The following NCK2 variants were observed in gnomAD, a reference collection of about 807,000 sequenced individuals.
NCK2 encodes the protein cytoplasmic protein NCK2.
NCK2 carries 16 observed loss-of-function variants against 33.9 expected under a neutral mutation model. The ratio of observed to expected loss-of-function variants is 0.47; its 90% CI spans 0.32 to 0.72. The LOEUF is 0.72. NCK2 is among the 30% of genes least tolerant of loss of function. The pLI is 0.03. For synonymous variants in NCK2, 273 were observed against 239.9 expected, an observed-to-expected ratio of 1.14 and a Z score of -1.27; for missense variants, 418 against 537.3, an observed-to-expected ratio of 0.78 and a Z score of 2.19.
At chr2:105,871,496 C>A (rs960687725) in intron 3 of NCK2, among the ~76,000 whole-genome samples, 3 of 151,474 alleles carry the variant, frequency 2.0e-5, no homozygotes, top group African/African-American at 4.9e-5. Flanking sequence ...AATGGTTTTT[C>A]TTTTTTCTTT....
intron 1 of NCK2, among the ~76,000 whole-genome samples, chr2:105,795,331 A>G (rs1046882780): frequency 6.6e-6 from 1 of 152,140 alleles, no homozygotes; most frequent in African/African-American, 2.4e-5. Flanking sequence ...AAGCAATAGC[A>G]TACTCTATAC....
intron 1 of NCK2, among the ~76,000 whole-genome samples, chr2:105,752,982 C>G (rs1558821191): frequency 6.6e-6 from 1 of 152,198 alleles, no homozygotes; most frequent in Non-Finnish European, 1.5e-5. Flanking sequence ...TCCTCACCAA[C>G]AGAACGTGTG....
At chr2:105,796,970 T>C (rs149221985) in intron 1 of NCK2, among the ~76,000 whole-genome samples, 4 of 152,348 alleles carry the variant, frequency 2.6e-5, no homozygotes, top group African/African-American at 9.6e-5. Flanking sequence ...TCAGTACCCC[T>C]AGCTGGGGTG....
At chr2:105,875,606 C>T (rs1358865665) in intron 3 of NCK2, among the ~76,000 whole-genome samples, 3 of 152,106 alleles carry the variant, frequency 2.0e-5, no homozygotes, top group African/African-American at 4.8e-5. Flanking sequence ...TAAAAGAGAC[C>T]TCAGAGAGCA....
At chr2:105,770,519 A>G (rs1366522993) in intron 1 of NCK2, among the ~76,000 whole-genome samples, 1 of 152,216 alleles carries the variant, frequency 6.6e-6, no homozygotes, top group African/African-American at 2.4e-5. Context: ...ATAACTGATC[A>G]TATTTAAAAT....
intron 2 of NCK2, among the ~76,000 whole-genome samples, chr2:105,823,552 T>C (rs1416293821): frequency 6.6e-6 from 1 of 151,966 alleles, no homozygotes; most frequent in Non-Finnish European, 1.5e-5. Context: ...TAAAACATGA[T>C]GAATAAATCA....
chr2:105,848,956 A>G (rs1204057858), intron 2 of NCK2, among the ~76,000 whole-genome samples: 1 of 152,206 alleles, frequency 6.6e-6, no homozygotes, highest in Non-Finnish European at 1.5e-5. Context: ...CTCTAAACCA[A>G]TTATTTGCAC....
intron 1 of NCK2, among the ~76,000 whole-genome samples, chr2:105,763,235 C>A (rs13003995): frequency 0.24 from 36,969 of 152,026 alleles, 5,111 homozygotes; most frequent in Middle Eastern, 0.37. Flanking sequence ...GAGGAGGAGT[C>A]CCTAGCCCTC....
chr2:105,866,548 T>C (rs916526738), intron 3 of NCK2, among the ~76,000 whole-genome samples: 1 of 152,134 alleles, frequency 6.6e-6, no homozygotes, highest in African/African-American at 2.4e-5. Context: ...CAGCATTAGA[T>C]AGATGCTCAA....
intron 1 of NCK2, among the ~76,000 whole-genome samples, chr2:105,754,533 G>A (rs1689547385): frequency 6.6e-6 from 1 of 152,208 alleles, no homozygotes; most frequent in Admixed American, 6.5e-5. Flanking sequence ...GAGGAGAGCA[G>A]TTGCTGTCTC....
intron 2 of NCK2, among the ~76,000 whole-genome samples, chr2:105,851,327 G>C (rs1231939711): frequency 6.6e-6 from 1 of 151,226 alleles, no homozygotes; most frequent in African/African-American, 2.4e-5. Flanking sequence ...GCAGTGGCGC[G>C]ATCTCGGCTC....
At chr2:105,755,620 G>A (rs1454759933) in intron 1 of NCK2, among the ~76,000 whole-genome samples, 2 of 152,194 alleles carry the variant, frequency 1.3e-5, no homozygotes, top group East Asian at 1.9e-4. Context: ...ACCTAGATTG[G>A]GAAGTAGAAA....
At chr2:105,808,330 A>G (rs1239238493) in intron 1 of NCK2, among the ~76,000 whole-genome samples, 1 of 152,228 alleles carries the variant, frequency 6.6e-6, no homozygotes, top group Non-Finnish European at 1.5e-5. Context: ...TTTCTTCTGG[A>G]AAGTCTTCAA....
chr2:105,808,163 G>T lies in NCK2; in HGVS notation c.-200-8267G>T, dbSNP rs187548829. ...TCCACCCACCTTGGCCTCCCAAAGT[G>T]CTGGGATTACAGGCGTGAGCCACTG... On this transcript the variant is annotated intron_variant, in intron 1 of 4. Transcript: ENST00000233154. Among the ~76,000 whole-genome samples the T allele has an allele frequency of 5.4e-4, 83 of 152,316 alleles. No homozygotes were observed. The East Asian group carries it at 7.5e-3, about 14-fold the overall frequency.
chr2:105,859,830 T>C (rs533583455), intron 3 of NCK2, among the ~76,000 whole-genome samples: 2 of 152,336 alleles, frequency 1.3e-5, no homozygotes, highest in Non-Finnish European at 2.9e-5. Context: ...AGAGCCTCAG[T>C]GAAGGTACAG....
At chr2:105,745,180 TG>T in intron 1 of NCK2, 42 bp downstream of exon 1, 1 of 149,436 alleles carries the variant, frequency 6.7e-6, no homozygotes, top group Non-Finnish European at 1.5e-5. Flanking sequence ...GCCACAAACT[TG>T]GGGCCGTTGG....
At chr2:105,796,703 T>C (rs1691093884) in intron 1 of NCK2, among the ~76,000 whole-genome samples, 1 of 152,064 alleles carries the variant, frequency 6.6e-6, no homozygotes. Context: ...ATTCCCTTTC[T>C]TTTTTTTCCC....
chr2:105,751,559 G>A (rs961088703), intron 1 of NCK2, among the ~76,000 whole-genome samples: 6 of 152,150 alleles, frequency 3.9e-5, no homozygotes, highest in African/African-American at 1.4e-4. Flanking sequence ...CACACATGCT[G>A]AGCTACAAGT....
chr2:105,861,883 C>T (rs556626364), intron 3 of NCK2, among the ~76,000 whole-genome samples: 55 of 151,592 alleles, frequency 3.6e-4, no homozygotes, highest in Middle Eastern at 3.4e-3. Flanking sequence ...ATCTTAAGAT[C>T]AGACTGGCCT....
Sources: allele counts gnomAD v4.1 joint callset (sites outside exome capture counted in the v4.1 genomes callset), GRCh38; gene constraint gnomAD v4.1.1; transcripts MANE v1.5; gene names NCBI Gene and HGNC (gene_info 2026-07-23, HGNC 2026-07-21).